HACD1: variants seen among roughly 807,000 people sequenced by gnomAD.
HACD1 encodes the protein very-long-chain (3R)-3-hydroxyacyl-CoA dehydratase 1.
A neutral mutation model predicts 32.0 loss-of-function variants in HACD1; 41 were observed. That is an observed-to-expected ratio of 1.28 (90% CI 1.00 to 1.66). HACD1 has a LOEUF of 1.66. Among genes scored for constraint, HACD1 ranks in the 40% most tolerant of loss-of-function variants. HACD1 has a pLI of 0.00. For synonymous variants in HACD1, 142 were observed against 139.0 expected, an observed-to-expected ratio of 1.02 and a Z score of -0.15; for missense variants, 396 against 380.1, an observed-to-expected ratio of 1.04 and a Z score of -0.35.
intron 1 of HACD1, among the ~76,000 whole-genome samples, chr10:17,607,661 A>G (rs992208774): frequency 6.6e-6 from 1 of 152,200 alleles, no homozygotes; most frequent in East Asian, 1.9e-4. Context: ...CGTTAACATT[A>G]TAACAAGTTC....
At chr10:17,599,246 G>C (rs1413081086) in intron 5 of HACD1, 44 bp downstream of exon 5, 2 of 1,604,992 alleles carry the variant, frequency 1.2e-6, no homozygotes, top group African/African-American at 2.7e-5. Context: ...CACAAAATAA[G>C]CATGCACAGG....
chr10:17,599,153 T>A, intron 5 of HACD1, 137 bp downstream of exon 5: 1 of 1,317,780 alleles, frequency 7.6e-7, no homozygotes, highest in Non-Finnish European at 9.9e-7. Flanking sequence ...TGTATAATTA[T>A]TAGTTATACC....
In HACD1 at chr10:17,590,287, G is replaced by A. The variant is rs1554815447; in HGVS notation, c.*77C>T. The A allele has an allele frequency of 9.6e-7, 1 of 1,047,084 alleles. No individual in the cohort carries two copies. Among genetic ancestry groups the A allele is most frequent in the East Asian group, 2.5e-5 (1 of 40,452 alleles). 64.9% of individuals were successfully genotyped at this position (1,047,084 alleles called of 1,614,324 possible). On this transcript the variant is annotated 3_prime_UTR_variant, in exon 7 of 7. Transcript: ENST00000361271. ...ACAATCCATGATATTTCACAAAGTT[G>A]TTTATTCTTGTTATTAAAACTTGGA...
chr10:17,610,993 C>T (rs1193125608), intron 1 of HACD1, among the ~76,000 whole-genome samples: 18 of 144,826 alleles, frequency 1.2e-4, no homozygotes, highest in Admixed American at 1.2e-3. Flanking sequence ...CACTTCAGGT[C>T]CTCTTCTTTT....
At chr10:17,597,542 C>T (rs1834010078) in intron 5 of HACD1, among the ~76,000 whole-genome samples, 1 of 151,658 alleles carries the variant, frequency 6.6e-6, no homozygotes, top group South Asian at 2.1e-4. Flanking sequence ...AAAAGACAGA[C>T]ACACAAAGCC....
intron 1 of HACD1, among the ~76,000 whole-genome samples, chr10:17,609,982 C>CAA (rs1189308859): frequency 1.9e-4 from 12 of 64,786 alleles, no homozygotes; most frequent in African/African-American, 5.5e-4. Context: ...GACTCCATCT[C>CAA]AAAAAAAAAA....
At chr10:17,604,416 G>A (rs1020646284) in intron 1 of HACD1, among the ~76,000 whole-genome samples, 14 of 150,990 alleles carry the variant, frequency 9.3e-5, no homozygotes, top group African/African-American at 3.2e-4. Context: ...CCTGGGAGGC[G>A]GAGCTTGCAG....
chr10:17,613,100 GTGTGT>G (rs1564512180), intron 1 of HACD1, among the ~76,000 whole-genome samples: 169 of 8,012 alleles, frequency 0.021, no homozygotes, highest in African/African-American at 0.087. Flanking sequence ...AATTTGGGGT[GTGTGT>G]GTGTGTGTGT....
chr10:17,612,779 G>A (rs552872444), intron 1 of HACD1, among the ~76,000 whole-genome samples: 19 of 151,994 alleles, frequency 1.3e-4, no homozygotes, highest in Admixed American at 6.6e-5. Flanking sequence ...AAAATTAGCC[G>A]GGCGTGGTGG....
At chr10:17,614,525 G>T (rs932924740) in intron 1 of HACD1, among the ~76,000 whole-genome samples, 1 of 151,840 alleles carries the variant, frequency 6.6e-6, no homozygotes. Flanking sequence ...TTACAGACGT[G>T]AGCCACCGTG....
At position 17,589,249 on chromosome 10, in the gene HACD1, T is replaced by C. The variant is rs1303861866; in HGVS notation, c.*1115A>G. ...AACCAAAGTTCTGAGTACAGCATGA[T>C]CATCTTCCTCATCATCGTTATCATC... On this transcript the variant is annotated 3_prime_UTR_variant, in exon 7 of 7. Transcript: ENST00000361271. The C allele has an allele frequency of 6.6e-6, 1 of 152,302 alleles. No individual in the cohort carries two copies. The highest frequency in any genetic ancestry group is 1.5e-5 in the Non-Finnish European group (1 of 68,158). 9.4% of individuals were successfully genotyped at this position (152,302 alleles called of 1,614,324 possible).
chr10:17,592,981 C>G (rs1356853441), intron 6 of HACD1, among the ~76,000 whole-genome samples: 2 of 152,132 alleles, frequency 1.3e-5, no homozygotes, highest in Non-Finnish European at 2.9e-5. Context: ...GTGGGTGGAT[C>G]CCTTGAGGTC....
intron 4 of HACD1, among the ~76,000 whole-genome samples, chr10:17,600,609 A>G (rs1834056708): frequency 6.6e-6 from 1 of 152,020 alleles, no homozygotes; most frequent in Non-Finnish European, 1.5e-5. Context: ...TACAGGCATG[A>G]GCCACCATGC....
chr10:17,600,997 C>T (rs1834062119), intron 4 of HACD1, among the ~76,000 whole-genome samples: 1 of 151,946 alleles, frequency 6.6e-6, no homozygotes, highest in African/African-American at 2.4e-5. Flanking sequence ...ACCCCACTTC[C>T]CAACAGCCAG....
chr10:17,612,693 G>A (rs1300964208), intron 1 of HACD1, among the ~76,000 whole-genome samples: 1 of 152,106 alleles, frequency 6.6e-6, no homozygotes, highest in African/African-American at 2.4e-5. Context: ...GGGCGAGGCG[G>A]GCGGATCACG....
intron 1 of HACD1, among the ~76,000 whole-genome samples, chr10:17,612,165 T>C (rs1182742235): frequency 2.0e-5 from 3 of 149,274 alleles, no homozygotes; most frequent in East Asian, 2.0e-4. Flanking sequence ...AAAGGTGTAA[T>C]TCTTCTTCCA....
rs1554818227 is a variant in HACD1 at position 17,617,163 on chromosome 10, C to T, written c.177G>A (p.Arg59=). The part of the protein sequence containing the change: ...NGGASEAGED[R]EAPGERRRLG... ...GGCGCCTCCGCTCGCCGGGAGCCTC[C>T]CGGTCCTCGCCGGCCTCCGAGGCGC... The change falls in exon 1 of 7, where the codon CGG becomes CGA. Residue 59 remains arginine, a synonymous_variant. Coordinates refer to ENST00000361271, the MANE Select transcript of HACD1 (RefSeq NM_014241.4). The T allele has an allele frequency of 3.3e-6, 5 of 1,505,504 alleles. No homozygotes were observed. Among genetic ancestry groups the T allele is most frequent in the Non-Finnish European group, 4.4e-6 (5 of 1,131,170 alleles). The allele number at this position is 1,505,504 out of a possible 1,614,324, so 93.3% of individuals were successfully genotyped here.
At position 17,604,301 on chromosome 10, in the gene HACD1, C is replaced by T. The variant is rs537386613; in HGVS notation, c.258-254G>A. Among the ~76,000 whole-genome samples, 224 of 151,972 alleles carry T rather than the reference C, an allele frequency of 1.5e-3. 1 individual carries two copies. Among genetic ancestry groups the T allele is most frequent in the African/African-American group, 5.1e-3 (212 of 41,462 alleles). On this transcript the variant is annotated intron_variant, in intron 1 of 6. Transcript: ENST00000361271. ...GAGATCGAGACCATCCTGGCTAACA[C>T]GGTGAAACCCCGTCTCTACTAAAAA...
At chr10:17,605,007 T>C in intron 1 of HACD1, among the ~76,000 whole-genome samples, 1 of 152,184 alleles carries the variant, frequency 6.6e-6, no homozygotes, top group Middle Eastern at 3.4e-3. Context: ...ATGCCCAGCC[T>C]GTATGATTTA....
Sources: allele counts gnomAD v4.1 joint callset (sites outside exome capture counted in the v4.1 genomes callset), GRCh38; gene constraint gnomAD v4.1.1; transcripts MANE v1.5; gene names NCBI Gene and HGNC (gene_info 2026-07-23, HGNC 2026-07-21).